The following RASA3 variants were observed in gnomAD, a reference collection of about 807,000 sequenced individuals.
RASA3 encodes RAS p21 protein activator 3.
RASA3 carries 73 observed loss-of-function variants against 110.0 expected under a neutral mutation model. The ratio of observed to expected loss-of-function variants is 0.66; its 90% confidence interval spans 0.55 to 0.81. The LOEUF is 0.81. Among genes scored for constraint, RASA3 ranks in the 30% least tolerant of loss-of-function variants. The probability of loss-of-function intolerance (pLI) is 0.00; values close to 1 mark genes in which losing one functional copy is unlikely to be tolerated. For missense variants in RASA3, 976 were observed against 1,113.2 expected (o/e 0.88, Z 1.75); for synonymous variants, 500 against 451.4 (o/e 1.11, Z -1.37).
intron 2 of RASA3, among the ~76,000 whole-genome samples, chr13:114,060,262 C>T (rs928522670): frequency 3.9e-5 from 6 of 152,286 alleles, no homozygotes; most frequent in African/African-American, 9.6e-5. Flanking sequence ...GCCGAGGTCA[C>T]GTGGTGCAGA....
At chr13:114,122,995 G>A (rs2080398568) in intron 1 of RASA3, among the ~76,000 whole-genome samples, 2 of 152,372 alleles carry the variant, frequency 1.3e-5, no homozygotes, top group South Asian at 4.1e-4. Flanking sequence ...CCTGGGCTGT[G>A]GTCATCAGAG....
In RASA3 at chr13:114,048,513, C is replaced by G. The variant is rs560648169; in HGVS notation, c.277+3539G>C. Among the ~76,000 whole-genome samples the G allele has an allele frequency of 2.0e-5, 3 of 152,290 alleles. No individual in the cohort carries two copies. The South Asian group carries it at 6.2e-4, about 32-fold the overall frequency. ...AGGATCGGGGGCGGAGACCCCAATGCTCCTGACAGCACCGAGCCGGGCCTC... is the reference window on the plus strand; with the variant it reads ...AGGATCGGGGGCGGAGACCCCAATGGTCCTGACAGCACCGAGCCGGGCCTC... On this transcript the variant is annotated intron_variant, in intron 3 of 23. Coordinates refer to ENST00000334062, the MANE Select transcript of RASA3 (RefSeq NM_007368.4). This position sits in a 1 kb window ranked among gnomAD's most constrained non-coding sequence, Gnocchi z 4.3.
At chr13:114,124,667 G>A (rs116847917) in intron 1 of RASA3, among the ~76,000 whole-genome samples, 1,671 of 152,332 alleles carry the variant, frequency 0.011, 86 homozygotes, top group Admixed American at 0.078. Flanking sequence ...GCCTCTCAGG[G>A]GCCAGCCACA....
intron 20 of RASA3, among the ~76,000 whole-genome samples, chr13:113,997,767 G>A (rs867315180): frequency 7.2e-5 from 11 of 152,182 alleles, no homozygotes; most frequent in Non-Finnish European, 1.2e-4. Context: ...CAGGAGTCAG[G>A]GGGACAGTGG....
chr13:114,092,207 T>C (rs2098089645), intron 1 of RASA3, among the ~76,000 whole-genome samples: 1 of 152,248 alleles, frequency 6.6e-6, no homozygotes, highest in East Asian at 1.9e-4. Context: ...CTTCTACTAA[T>C]TTGGGGGTTG....
At chr13:114,078,638 C>T (rs886067818) in intron 1 of RASA3, among the ~76,000 whole-genome samples, 6 of 152,220 alleles carry the variant, frequency 3.9e-5, no homozygotes, top group Non-Finnish European at 8.8e-5. Context: ...TTAATGTAAA[C>T]AGCATAACAC....
chr13:114,025,964 T>C (rs953955741), intron 7 of RASA3, among the ~76,000 whole-genome samples: 3 of 152,144 alleles, frequency 2.0e-5, no homozygotes, highest in Non-Finnish European at 4.4e-5. Context: ...GAGTGAAAGG[T>C]CACAGAGCCC....
chr13:114,093,023 TCTC>T (rs141629488), intron 1 of RASA3, among the ~76,000 whole-genome samples: 2,136 of 152,352 alleles, frequency 0.014, 135 homozygotes, highest in Admixed American at 0.1. Flanking sequence ...TTAACTCTCT[TCTC>T]CTCCCATATT....
At chr13:114,047,450 G>C (rs2079071345) in intron 3 of RASA3, among the ~76,000 whole-genome samples, 1 of 152,250 alleles carries the variant, frequency 6.6e-6, no homozygotes. Context: ...CCCGCTGCTG[G>C]AGAGAAGGCA....
At chr13:114,027,220 C>T (rs1406961706) in intron 7 of RASA3, among the ~76,000 whole-genome samples, 169 bp downstream of exon 7, 1 of 151,084 alleles carries the variant, frequency 6.6e-6, no homozygotes, top group African/African-American at 2.4e-5. Flanking sequence ...GGCCGGCCGG[C>T]GGGGCTCGCT....
At chr13:113,982,240 G>A (rs1178283494) in intron 22 of RASA3, among the ~76,000 whole-genome samples, 9 of 152,196 alleles carry the variant, frequency 5.9e-5, no homozygotes, top group Non-Finnish European at 8.8e-5. Context: ...GCAGCTGGAC[G>A]CTGGGCTGGC....
chr13:114,017,441 G>T, intron 11 of RASA3, 90 bp from the exon 12 acceptor site: 1 of 1,058,422 alleles, frequency 9.4e-7, no homozygotes, highest in Non-Finnish European at 1.5e-6. Flanking sequence ...CTGCCTGTGG[G>T]CTGTGAGGTC....
At chr13:114,076,584 A>G (rs1051869869) in intron 1 of RASA3, among the ~76,000 whole-genome samples, 1 of 151,990 alleles carries the variant, frequency 6.6e-6, no homozygotes, top group African/African-American at 2.4e-5. Context: ...ACACGCACAC[A>G]CACGCGGCAC....
intron 3 of RASA3, among the ~76,000 whole-genome samples, chr13:114,041,531 GAGGT>G (rs990840360): frequency 1.3e-5 from 2 of 152,256 alleles, no homozygotes; most frequent in African/African-American, 4.8e-5. Flanking sequence ...CTCACAGCAG[GAGGT>G]GCCTCGGAGC....
intron 21 of RASA3, among the ~76,000 whole-genome samples, chr13:113,993,091 G>C (rs2053156535): frequency 1.3e-5 from 2 of 152,110 alleles, no homozygotes. Flanking sequence ...TCAATTCCCA[G>C]GAACTATGAA....
chr13:114,129,944 A>C (rs930763960), intron 1 of RASA3, among the ~76,000 whole-genome samples: 1 of 152,126 alleles, frequency 6.6e-6, no homozygotes, highest in African/African-American at 2.4e-5. Flanking sequence ...AAGACCAGGG[A>C]CTCAGGCAGG....
At chr13:114,018,286 G>A (rs535783834) in intron 10 of RASA3, 34 bp from the exon 11 acceptor site, 30 of 1,539,552 alleles carry the variant, frequency 1.9e-5, no homozygotes, top group African/African-American at 1.2e-4. Context: ...GCCAGGGCCC[G>A]GGGTGCAGGA....
intron 4 of RASA3, among the ~76,000 whole-genome samples, chr13:114,037,563 G>A (rs1477205205): frequency 6.6e-6 from 1 of 152,202 alleles, no homozygotes; most frequent in Non-Finnish European, 1.5e-5. Flanking sequence ...CGTTTTGCAA[G>A]ATGAAAGGAG....
chr13:114,027,830 A>G lies in RASA3; in HGVS notation c.530+17T>C, dbSNP rs2139369383. ...CCCCAGGACCAGAACAGAAACCTGA[A>G]GCGTGAGGCAACTTGCCTGAAGGGT... On this transcript the variant is annotated intron_variant, in intron 6 of 23. Transcript: ENST00000334062. 1 of 1,611,790 alleles carries G rather than the reference A, an allele frequency of 6.2e-7. No individual in the cohort carries two copies. The highest frequency in any genetic ancestry group is 8.5e-7 in the Non-Finnish European group (1 of 1,178,060).
Sources: gnomAD v4.1 joint callset for allele counts (sites outside exome capture counted in the v4.1 genomes callset) on GRCh38, gnomAD v4.1.1 for gene constraint, Gnocchi (gnomAD v3.1) non-coding constraint, MANE v1.5 for transcripts, NCBI Gene and HGNC (gene_info 2026-07-23, HGNC 2026-07-21) for gene names.